Variants in CFLAR observed in about 807,000 individuals in gnomAD.
CFLAR encodes CASP8 and FADD-like apoptosis regulator.
In CFLAR, 14 loss-of-function variants were observed where a neutral mutation model predicts 51.1. That is an observed-to-expected ratio of 0.27 (90% CI 0.18 to 0.43). The LOEUF (loss-of-function observed/expected upper bound fraction) is 0.43, where lower values mean the gene tolerates loss of function less well. Ranked by LOEUF, CFLAR falls within the 20% of genes least tolerant of loss-of-function variation. The pLI is 1.00. For missense variants in CFLAR, 390 were observed against 566.5 expected (o/e 0.69, Z 3.16); for synonymous variants, 210 against 211.6 (o/e 0.99, Z 0.06).
chr2:201,130,899 A>G (rs1476572477), intron 2 of CFLAR, among the ~76,000 whole-genome samples: 1 of 152,242 alleles, frequency 6.6e-6, no homozygotes, highest in Non-Finnish European at 1.5e-5. Context: ...CAAGTCTGAC[A>G]GTAATCTTCC....
At chr2:201,128,841 GA>G (rs570221397) in intron 1 of CFLAR, among the ~76,000 whole-genome samples, 441 of 152,248 alleles carry the variant, frequency 2.9e-3, no homozygotes, top group Non-Finnish European at 5.0e-3. Context: ...CTTAAATTTT[GA>G]AAGAAAATAG....
chr2:201,135,486 A>T (rs1046284967), intron 3 of CFLAR, among the ~76,000 whole-genome samples: 1 of 152,200 alleles, frequency 6.6e-6, no homozygotes, highest in African/African-American at 2.4e-5. Context: ...CTCTGTTCTG[A>T]GTAAAAATCA....
rs1431111089 is a variant in CFLAR at position 201,173,043 on chromosome 2, T to A, written c.*9070T>A. ...GTGTATGAGGTTTTTTTTATTTTTT[T>A]GTTTTTGAGACGGAGTCTCACTCTG... is the stretch of plus-strand genomic sequence containing the variant. On this transcript the variant is annotated 3_prime_UTR_variant, in exon 10 of 10. Coordinates refer to ENST00000309955, the MANE Select transcript of CFLAR (RefSeq NM_003879.7). 6.6e-6 allele frequency: 1 copy of A among 152,254 alleles called. No homozygotes were observed. Among genetic ancestry groups the A allele is most frequent in the African/African-American group, 2.4e-5 (1 of 41,452 alleles). The allele number at this position is 152,254 out of a possible 1,614,324, so 9.4% of individuals were successfully genotyped here. A position where few individuals can be genotyped will look rare whatever the true frequency, so the allele number is the denominator to read the frequency against.
At chr2:201,146,640 C>T (rs1184578899) in intron 6 of CFLAR, 1 of 152,256 alleles carries the variant, frequency 6.6e-6, no homozygotes, top group African/African-American at 2.4e-5. Context: ...GAGACTCAGT[C>T]TTACACTGAT....
chr2:201,132,947 G>A (rs1439635293), intron 2 of CFLAR, 82 bp from the exon 3 acceptor site: 4 of 1,475,066 alleles, frequency 2.7e-6, no homozygotes, highest in Non-Finnish European at 3.7e-6. Flanking sequence ...TTAATCCATT[G>A]TTGCATAGGG....
Position 201,160,634 on chromosome 2 carries a change from C to A in CFLAR, c.996C>A (p.Pro332=). Residue 332 remains proline (P), a synonymous_variant, in exon 9 of 10, where the codon CCC becomes CCA. Transcript: ENST00000309955. ...YGVDQTHSGL[P]LHHIRRMFMG... ...TGGATCAGACTCACTCAGGGCTCCC[C>A]CTGCATCACATCAGGAGGATGTTCA... 1 of 1,613,976 alleles carries A rather than the reference C, an allele frequency of 6.2e-7. No homozygotes were observed. The highest frequency in any genetic ancestry group is 1.3e-5 in the African/African-American group (1 of 74,972).
chr2:201,138,489 G>T lies in CFLAR; in HGVS notation c.524-1868G>T. The T allele has an allele frequency of 1.7e-6, 2 of 1,175,846 alleles. No homozygotes were observed. The highest frequency in any genetic ancestry group is 1.3e-6 in the Non-Finnish European group (1 of 790,898). 72.8% of individuals were successfully genotyped at this position (1,175,846 alleles called of 1,614,324 possible). On this transcript the variant is annotated intron_variant, in intron 4 of 9. Transcript: ENST00000309955. This position sits in a 1 kb window ranked among gnomAD's most constrained non-coding sequence, Gnocchi z 4.0. ...CATTTGCCTCTTTCAACCTCACACTGCTGGAGCCACCACTAGCTTGATCCT... is the reference window on the plus strand; with the variant it reads ...CATTTGCCTCTTTCAACCTCACACTTCTGGAGCCACCACTAGCTTGATCCT...
At chr2:201,150,849 A>G (rs994439200) in intron 8 of CFLAR, among the ~76,000 whole-genome samples, 25 of 152,168 alleles carry the variant, frequency 1.6e-4, no homozygotes, top group African/African-American at 5.8e-4. Flanking sequence ...GAGGAAATGA[A>G]ATGGATTTGG....
At chr2:201,123,020 T>G (rs2048333994) in intron 1 of CFLAR, among the ~76,000 whole-genome samples, 1 of 152,230 alleles carries the variant, frequency 6.6e-6, no homozygotes, top group South Asian at 2.1e-4. Context: ...ATCCGTTGTG[T>G]AAGCTGAGCA....
chr2:201,161,047 G>A (rs1942927570), intron 9 of CFLAR, 105 bp downstream of exon 9: 9 of 788,870 alleles, frequency 1.1e-5, no homozygotes, highest in Non-Finnish European at 1.8e-5. Flanking sequence ...CTTCCGGGAG[G>A]AAAAGAGATT....
chr2:201,136,223 C>A, intron 4 of CFLAR, 116 bp downstream of exon 4: 1 of 1,608,896 alleles, frequency 6.2e-7, no homozygotes, highest in Non-Finnish European at 8.5e-7. Flanking sequence ...CCTGGATGAC[C>A]AAAGCCTCCT....
intron 1 of CFLAR, among the ~76,000 whole-genome samples, chr2:201,121,800 G>A (rs2048213400): frequency 6.6e-6 from 1 of 152,150 alleles, no homozygotes; most frequent in Admixed American, 6.5e-5. Flanking sequence ...TTAAGAGAAC[G>A]TCTCCTAAAT....
chr2:201,125,563 G>A (rs1167018437), intron 1 of CFLAR, among the ~76,000 whole-genome samples: 4 of 152,154 alleles, frequency 2.6e-5, no homozygotes, highest in African/African-American at 9.6e-5. Context: ...AGGGACAGGA[G>A]GGACCAGCTG....
rs2047845581 is a variant in CFLAR, at chr2:201,118,562, T to G, written c.-138+2081T>G. 6.6e-6 allele frequency: 1 copy of G among 152,228 alleles called. No homozygotes were observed. Among genetic ancestry groups the G allele is most frequent in the Non-Finnish European group, 1.5e-5 (1 of 68,100 alleles). The allele number at this position is 152,228 out of a possible 1,614,324, so 9.4% of individuals were successfully genotyped here. On this transcript the variant is annotated intron_variant, in intron 1 of 9. Coordinates refer to ENST00000309955, the MANE Select transcript of CFLAR (RefSeq NM_003879.7). The surrounding 1 kb of genome is among the most constrained non-coding windows in gnomAD (Gnocchi z 5.1). ...AAGCCGTTTGACCACGCATGGAGAA[T>G]TTTACCACCCAGAGACACGCGAGTG... is the stretch of plus-strand genomic sequence containing the variant.
intron 4 of CFLAR, chr2:201,136,367 A>T: frequency 4.4e-6 from 7 of 1,598,466 alleles, no homozygotes; most frequent in Non-Finnish European, 5.9e-6. Flanking sequence ...TCAAGAAAGA[A>T]TCTGGGATCT....
intron 5 of CFLAR, among the ~76,000 whole-genome samples, chr2:201,143,981 C>T (rs972521396): frequency 6.6e-6 from 1 of 152,068 alleles, no homozygotes; most frequent in African/African-American, 2.4e-5. Flanking sequence ...AATTATTTGG[C>T]TACAATACAA....
In CFLAR at chr2:201,171,841, C is replaced by A. The variant is rs1304769224; in HGVS notation, c.*7868C>A. 1 of 151,972 alleles carries A rather than the reference C, an allele frequency of 6.6e-6. No individual in the cohort carries two copies. Among genetic ancestry groups the A allele is most frequent in the African/African-American group, 2.4e-5 (1 of 41,194 alleles). The allele number at this position is 151,972 out of a possible 1,614,324, so 9.4% of individuals were successfully genotyped here. Reference sequence around the variant, plus strand: ...CTCAGCCAAATTGAACAGCTCATATCTCCTACCTCTGGATCTTTGGTTCTG... The same window carrying A: ...CTCAGCCAAATTGAACAGCTCATATATCCTACCTCTGGATCTTTGGTTCTG... On this transcript the variant is annotated 3_prime_UTR_variant, in exon 10 of 10. Coordinates refer to ENST00000309955, the MANE Select transcript of CFLAR (RefSeq NM_003879.7).
In CFLAR at chr2:201,170,442, G is replaced by T. The variant is rs1943944046; in HGVS notation, c.*6469G>T. On this transcript the variant is annotated 3_prime_UTR_variant, in exon 10 of 10. Coordinates refer to ENST00000309955, the MANE Select transcript of CFLAR (RefSeq NM_003879.7). ...GAGGAATTCCAAGAATGTCATAAAT[G>T]GATGTTTCTCCATGGATGAAGGAAC... is the stretch of plus-strand genomic sequence containing the variant. 6.6e-6 allele frequency: 1 copy of T among 152,094 alleles called. No homozygotes were observed. Among genetic ancestry groups the T allele is most frequent in the Admixed American group, 6.6e-5 (1 of 15,262 alleles). The allele number at this position is 152,094 out of a possible 1,614,324, so 9.4% of individuals were successfully genotyped here.
intron 1 of CFLAR, among the ~76,000 whole-genome samples, chr2:201,128,853 G>C (rs958769848): frequency 6.6e-6 from 1 of 152,182 alleles, no homozygotes; most frequent in East Asian, 1.9e-4. Flanking sequence ...AAGAAAATAG[G>C]ATGAGTTTCA....
Sources: allele counts gnomAD v4.1 joint callset (sites outside exome capture counted in the v4.1 genomes callset), GRCh38; gene constraint gnomAD v4.1.1; non-coding constraint Gnocchi (gnomAD v3.1); transcripts MANE v1.5; gene names NCBI Gene and HGNC (gene_info 2026-07-23, HGNC 2026-07-21).